The following DHRSX variants were observed in gnomAD, a reference collection of about 807,000 sequenced individuals.
The protein encoded by DHRSX is polyprenol dehydrogenase.
In DHRSX, 31 loss-of-function variants were observed where a neutral mutation model predicts 34.0. That is an observed-to-expected ratio of 0.91 (90% confidence interval 0.69 to 1.23). DHRSX has a LOEUF of 1.23. DHRSX is among the 50% of genes most tolerant of loss of function. The pLI, the probability that DHRSX is intolerant of heterozygous loss-of-function variation, is 0.00. For synonymous variants in DHRSX, 201 were observed against 183.8 expected (o/e 1.09, Z -0.76); for missense variants, 414 against 428.1 (o/e 0.97, Z 0.29).
At chrX:2,239,977 G>C (rs1287834253) in intron 6 of DHRSX, among the ~76,000 whole-genome samples, 3 of 151,950 alleles carry the variant, frequency 2.0e-5, no homozygotes, top group Non-Finnish European at 2.9e-5. Flanking sequence ...AAGAACAACA[G>C]ATCAGAAAGC....
chrX:2,356,604 T>C (rs1450951822), intron 3 of DHRSX, among the ~76,000 whole-genome samples: 1 of 152,176 alleles, frequency 6.6e-6, no homozygotes, highest in Non-Finnish European at 1.5e-5. Context: ...AGGTTTGGAC[T>C]GTACAGGTCA....
chrX:2,474,127 G>C (rs1471136899), intron 1 of DHRSX, among the ~76,000 whole-genome samples: 1 of 151,756 alleles, frequency 6.6e-6, no homozygotes, highest in Non-Finnish European at 1.5e-5. Context: ...CTTACAGGGT[G>C]GAAAGGACAC....
In DHRSX at chrX:2,221,230, C is replaced by G. The variant is rs2015512900; in HGVS notation, c.805-1G>C. 6.2e-7 allele frequency: 1 copy of G among 1,611,858 alleles called. No homozygotes were observed. The highest frequency in any genetic ancestry group is 8.5e-7 in the Non-Finnish European group (1 of 1,178,872). On this transcript the variant is annotated splice_acceptor_variant, in intron 6 of 6. Coordinates refer to ENST00000334651, the MANE Select transcript of DHRSX (RefSeq NM_145177.3). LOFTEE classifies it high-confidence loss of function. The stretch of plus-strand genomic sequence containing the variant: ...AAGTCCACGCTCCTTCATCGGGGGT[C>G]TGGTGGAAGAAGAAAAGAAGGCTAC...
chrX:2,363,152 C>T (rs867840040), intron 3 of DHRSX, among the ~76,000 whole-genome samples: 83 of 81,408 alleles, frequency 1.0e-3, no homozygotes, highest in African/African-American at 2.7e-3. Flanking sequence ...ATTTTATCAC[C>T]GTTCTATGGT....
At chrX:2,360,280 A>C (rs913278734) in intron 3 of DHRSX, among the ~76,000 whole-genome samples, 2 of 152,126 alleles carry the variant, frequency 1.3e-5, no homozygotes, top group African/African-American at 4.8e-5. Context: ...TGAAGGATAG[A>C]CTATGCAAGA....
intron 1 of DHRSX, among the ~76,000 whole-genome samples, chrX:2,460,886 T>C (rs2044393555): frequency 6.6e-6 from 1 of 152,034 alleles, no homozygotes; most frequent in Admixed American, 6.6e-5. Flanking sequence ...CCCAGCCTAT[T>C]TTTATTTTAT....
intron 3 of DHRSX, among the ~76,000 whole-genome samples, chrX:2,335,895 T>C (rs1300696651): frequency 6.6e-6 from 1 of 152,130 alleles, no homozygotes; most frequent in Admixed American, 6.6e-5. Flanking sequence ...TATGCTTCCA[T>C]CTTTCATGAA....
chrX:2,314,375 A>AAGG (rs1556466601), intron 3 of DHRSX, among the ~76,000 whole-genome samples: 1 of 3,456 alleles, frequency 2.9e-4, no homozygotes, highest in African/African-American at 1.7e-3. Flanking sequence ...GGAGAGAGGG[A>AAGG]AAGGAATGGA....
chrX:2,238,401 T>C (rs1226014547), intron 6 of DHRSX, among the ~76,000 whole-genome samples: 1 of 152,012 alleles, frequency 6.6e-6, no homozygotes, highest in Non-Finnish European at 1.5e-5. Context: ...TGGTACCGAC[T>C]GGTCGCCCAG....
intron 3 of DHRSX, among the ~76,000 whole-genome samples, chrX:2,294,614 G>A (rs190087157): frequency 1.6e-3 from 242 of 150,778 alleles, no homozygotes; most frequent in African/African-American, 5.6e-3. Flanking sequence ...GCAGTAAGCC[G>A]AGGTCGCGCC....
At chrX:2,329,818 C>T (rs1321130212) in intron 3 of DHRSX, among the ~76,000 whole-genome samples, 1 of 151,932 alleles carries the variant, frequency 6.6e-6, no homozygotes, top group Non-Finnish European at 1.5e-5. Context: ...GAAGCAAATG[C>T]CACACACCCT....
At chrX:2,277,320 A>G (rs370760078) in intron 4 of DHRSX, among the ~76,000 whole-genome samples, 95 of 2,766 alleles carry the variant, frequency 0.034, no homozygotes, top group African/African-American at 0.16. Flanking sequence ...GAGAGAAGGA[A>G]GAGGAGGAAA....
At chrX:2,461,365 G>A (rs953381168) in intron 1 of DHRSX, among the ~76,000 whole-genome samples, 1 of 152,192 alleles carries the variant, frequency 6.6e-6, no homozygotes, top group South Asian at 2.1e-4. Context: ...GGGTCCACCC[G>A]TCAGCCAAAA....
At chrX:2,230,502 A>G (rs935702668) in intron 6 of DHRSX, among the ~76,000 whole-genome samples, 1 of 152,144 alleles carries the variant, frequency 6.6e-6, no homozygotes, top group African/African-American at 2.4e-5. Context: ...CTCTGTGATG[A>G]TTGAGTTCAC....
chrX:2,390,836 T>C (rs9942989), intron 3 of DHRSX, among the ~76,000 whole-genome samples: 122,461 of 150,758 alleles, frequency 0.81, 49,755 homozygotes, highest in African/African-American at 0.86. Context: ...TTTATGGCTG[T>C]GTAATATTCC....
intron 2 of DHRSX, among the ~76,000 whole-genome samples, chrX:2,422,849 A>G (rs1442552381): frequency 1.3e-5 from 2 of 151,798 alleles, no homozygotes; most frequent in Non-Finnish European, 2.9e-5. Context: ...CAGTGGCGTG[A>G]TCTCAGCTCA....
At chrX:2,265,920 T>A (rs775893820) in intron 5 of DHRSX, among the ~76,000 whole-genome samples, 23 of 80,104 alleles carry the variant, frequency 2.9e-4, no homozygotes, top group South Asian at 9.6e-4. Context: ...GCACCAGTGC[T>A]CGGCAGATGC....
intron 6 of DHRSX, among the ~76,000 whole-genome samples, chrX:2,228,703 T>A (rs1446647168): frequency 6.6e-6 from 1 of 151,938 alleles, no homozygotes; most frequent in South Asian, 2.1e-4. Context: ...AAATAGCAAA[T>A]CCCTTTTGTG....
At chrX:2,490,340 G>T in intron 1 of DHRSX, 1 of 1,613,222 alleles carries the variant, frequency 6.2e-7, no homozygotes, top group Non-Finnish European at 8.5e-7. Flanking sequence ...CACGGCGGCC[G>T]TCAGCTCCTG....
Sources: gnomAD v4.1 joint callset for allele counts (sites outside exome capture counted in the v4.1 genomes callset) on GRCh38, gnomAD v4.1.1 for gene constraint, MANE v1.5 for transcripts, NCBI Gene and HGNC (gene_info 2026-07-23, HGNC 2026-07-21) for gene names.